FOXP4: variants seen among roughly 807,000 people sequenced by gnomAD.
FOXP4 encodes forkhead box P4, also known as forkhead box protein P4.
In FOXP4, 25 loss-of-function variants were observed where a neutral mutation model predicts 82.6. That is an observed-to-expected ratio of 0.30 (90% confidence interval 0.22 to 0.42). The LOEUF (loss-of-function observed/expected upper bound fraction) is 0.42. FOXP4 is among the 10% of genes least tolerant of loss of function. The probability of loss-of-function intolerance (pLI) is 1.00; values close to 1 mark genes in which losing one functional copy is unlikely to be tolerated. For synonymous variants in FOXP4, 415 were observed against 388.2 expected (o/e 1.07, Z -0.81); for missense variants, 785 against 900.9 (o/e 0.87, Z 1.65).
chr6:41,598,339 C>T (rs1468970854), intron 16 of FOXP4, among the ~76,000 whole-genome samples: 2 of 151,756 alleles, frequency 1.3e-5, no homozygotes, highest in East Asian at 3.9e-4. Context: ...GCCTCAGCCT[C>T]CCAAGTAGCT....
chr6:41,599,235 G>T lies in FOXP4; in HGVS notation c.*299G>T. The T allele has an allele frequency of 3.9e-6, 1 of 254,732 alleles. No homozygotes were observed. The highest frequency in any genetic ancestry group is 7.5e-6 in the Non-Finnish European group (1 of 132,826). 15.8% of individuals were successfully genotyped at this position (254,732 alleles called of 1,614,324 possible). On this transcript the variant is annotated 3_prime_UTR_variant, in exon 17 of 17. Transcript: ENST00000307972. ...CTCCCCCCAACCACCAGCAGCAGCAGGGCCCTCCTCCCCCACCAGCTCTCC... is the reference window on the plus strand; with the variant it reads ...CTCCCCCCAACCACCAGCAGCAGCATGGCCCTCCTCCCCCACCAGCTCTCC...
chr6:41,596,000 C>T (rs183818866), intron 14 of FOXP4, among the ~76,000 whole-genome samples: 6 of 152,330 alleles, frequency 3.9e-5, no homozygotes, highest in East Asian at 1.9e-4. Flanking sequence ...TGGGTTCAAG[C>T]GATTCTCCTG....
intron 1 of FOXP4, among the ~76,000 whole-genome samples, chr6:41,563,001 C>T (rs934099461): frequency 3.3e-5 from 5 of 152,224 alleles, no homozygotes; most frequent in Admixed American, 1.3e-4. Flanking sequence ...GGCCTGAGAC[C>T]GAGTGCTCAA....
chr6:41,573,462 A>G (rs1765310261), intron 2 of FOXP4, among the ~76,000 whole-genome samples: 1 of 152,094 alleles, frequency 6.6e-6, no homozygotes, highest in Admixed American at 6.6e-5. Flanking sequence ...AGATCCTGCT[A>G]ATGACTTCTG....
At chr6:41,588,463 G>C (rs1175578438) in intron 8 of FOXP4, among the ~76,000 whole-genome samples, 181 bp from the exon 9 acceptor site, 1 of 152,224 alleles carries the variant, frequency 6.6e-6, no homozygotes, top group Non-Finnish European at 1.5e-5. Context: ...GACATCAAAG[G>C]AGGCTGACGA....
intron 7 of FOXP4, 32 bp downstream of exon 7, chr6:41,587,544 A>G (rs1718311220): frequency 1.3e-6 from 2 of 1,503,830 alleles, no homozygotes; most frequent in African/African-American, 1.4e-5. Context: ...GGGGCATCAA[A>G]GGCCTGCCTG....
Position 41,565,729 on chromosome 6 carries a change from T to G in FOXP4, c.-16-16T>G, listed in dbSNP as rs1180242849. 2 of 1,564,214 alleles carry G rather than the reference T, an allele frequency of 1.3e-6. No homozygotes were observed. Among genetic ancestry groups the G allele is most frequent in the African/African-American group, 1.3e-5 (1 of 74,282 alleles). On this transcript the variant is annotated splice_polypyrimidine_tract_variant and intron_variant, in intron 1 of 16. Transcript: ENST00000307972. ...TCAGCCTCAGCCTCTCCCCTGTGTC[T>G]CTCTTCCTCCTCCAGGTACCGCTAG...
chr6:41,596,892 G>A (rs1427184127), intron 14 of FOXP4, among the ~76,000 whole-genome samples: 2 of 151,946 alleles, frequency 1.3e-5, no homozygotes, highest in African/African-American at 4.8e-5. Context: ...ACACTGGGGG[G>A]ATGCCAGTTC....
At position 41,546,412 on chromosome 6, in the gene FOXP4, G is replaced by C. The variant is rs1352067026; in HGVS notation, c.-472G>C. ...AGCCCAGGCTCAGTCGCAGCCCCTC[G>C]GAGTCCGGAGCCCGCCGTCCCTGCG... On this transcript the variant is annotated 5_prime_UTR_variant, in exon 1 of 17. Coordinates refer to ENST00000307972, the MANE Select transcript of FOXP4 (RefSeq NM_001012426.2). The C allele has an allele frequency of 6.6e-6, 1 of 151,104 alleles. No homozygotes were observed. Among genetic ancestry groups the C allele is most frequent in the Non-Finnish European group, 1.5e-5 (1 of 67,474 alleles). 9.4% of individuals were successfully genotyped at this position (151,104 alleles called of 1,614,324 possible). A position where few individuals can be genotyped will look rare whatever the true frequency, so the allele number is the denominator to read the frequency against.
In FOXP4 at chr6:41,602,295, G is replaced by A. The variant is rs1301434703; in HGVS notation, c.*3359G>A. The stretch of plus-strand genomic sequence containing the variant: ...TCTGCCCCTCCCAGCCCTCCGTGGA[G>A]GCTGCCAGGGCCTTGTACGGTAAAC... On this transcript the variant is annotated 3_prime_UTR_variant, in exon 17 of 17. Coordinates refer to ENST00000307972, the MANE Select transcript of FOXP4 (RefSeq NM_001012426.2). 1 of 152,218 alleles carries A rather than the reference G, an allele frequency of 6.6e-6. No individual in the cohort carries two copies. Among genetic ancestry groups the A allele is most frequent in the Non-Finnish European group, 1.5e-5 (1 of 68,058 alleles). The allele number at this position is 152,218 out of a possible 1,614,324, so 9.4% of individuals were successfully genotyped here.
intron 2 of FOXP4, among the ~76,000 whole-genome samples, chr6:41,576,641 A>G (rs1311153048): frequency 1.3e-5 from 2 of 152,190 alleles, no homozygotes; most frequent in Admixed American, 6.5e-5. Context: ...AGAATTGTGG[A>G]GAGATTAATG....
At chr6:41,589,728 G>C (rs763090124) in intron 9 of FOXP4, 43 bp from the exon 10 acceptor site, 4 of 1,592,440 alleles carry the variant, frequency 2.5e-6, no homozygotes, top group Non-Finnish European at 3.4e-6. Context: ...CTGCCTCCAG[G>C]GTTCAGCCTC....
chr6:41,562,490 C>A (rs1197676662), intron 1 of FOXP4, among the ~76,000 whole-genome samples: 1 of 150,494 alleles, frequency 6.6e-6, no homozygotes, highest in East Asian at 2.0e-4. Flanking sequence ...ACTCTGTATG[C>A]CCCCCCCATA....
In FOXP4 at chr6:41,597,937, C is replaced by G. The variant is rs1766958214; in HGVS notation, c.1882C>G (p.Pro628Ala). The G allele has an allele frequency of 6.5e-7, 1 of 1,549,732 alleles. No individual in the cohort carries two copies. Among genetic ancestry groups the G allele is most frequent in the South Asian group, 1.2e-5 (1 of 83,260 alleles). ...CAGCAGCAGCCCTCCTCGCCTCTCC[C>G]CGCCCCAGTACAGGTGAGCACACAG... The part of the protein sequence containing the change: ...NGSSSPPRLS[P>A]PQYSHQVQVK... Residue 628 changes from proline to alanine, a missense_variant, in exon 16 of 17, where the codon CCG (proline) becomes GCG (alanine). Pro to Ala is a conservative substitution (Grantham distance 27, BLOSUM62 -1). Around this residue, in one of 3 missense-constraint regions of FOXP4, gnomAD observed 184 missense variants for 187.3 expected, o/e 0.98. Coordinates refer to ENST00000307972, the MANE Select transcript of FOXP4 (RefSeq NM_001012426.2).
intron 4 of FOXP4, 79 bp downstream of exon 4, chr6:41,584,970 G>A: frequency 6.8e-7 from 1 of 1,479,096 alleles, no homozygotes; most frequent in Non-Finnish European, 9.0e-7. Context: ...ACCTCACCAA[G>A]GGCCCAAGCT....
At chr6:41,590,399 C>A in intron 12 of FOXP4, 52 bp downstream of exon 12, 1 of 1,556,994 alleles carries the variant, frequency 6.4e-7, no homozygotes, top group South Asian at 1.2e-5. Context: ...GGCTGCTCCC[C>A]CAGCCCCCGC....
At chr6:41,576,801 C>T (rs891033631) in intron 2 of FOXP4, among the ~76,000 whole-genome samples, 7 of 152,120 alleles carry the variant, frequency 4.6e-5, no homozygotes, top group East Asian at 1.9e-4. Flanking sequence ...TGCCCAAGGT[C>T]GCAGCTGGCA....
chr6:41,570,280 G>A (rs1215017933), intron 2 of FOXP4: 2 of 469,080 alleles, frequency 4.3e-6, no homozygotes, highest in Non-Finnish European at 8.9e-6. Context: ...GCCATGGCAT[G>A]GAGGGAGAGT....
At chr6:41,571,556 C>T (rs1306999199) in intron 2 of FOXP4, among the ~76,000 whole-genome samples, 1 of 152,168 alleles carries the variant, frequency 6.6e-6, no homozygotes, top group African/African-American at 2.4e-5. Context: ...CTCCCACCCA[C>T]GTGGGCCTGT....
Sources: gnomAD v4.1 joint callset for allele counts (sites outside exome capture counted in the v4.1 genomes callset) on GRCh38, gnomAD v4.1.1 for gene constraint, gnomAD v4.1.1 regional missense constraint, MANE v1.5 for transcripts, NCBI Gene and HGNC (gene_info 2026-07-23, HGNC 2026-07-21) for gene names.